Variants in GRID2 observed in about 807,000 individuals in gnomAD.
GRID2 encodes glutamate ionotropic receptor delta type subunit 2, also known as glutamate receptor ionotropic, delta-2.
A neutral mutation model predicts 114.8 loss-of-function variants in GRID2; 33 were observed. The observed-to-expected ratio is 0.29, with a 90% CI of 0.22 to 0.38. The LOEUF (loss-of-function observed/expected upper bound fraction) is 0.38. GRID2 is among the 10% of genes least tolerant of loss of function. GRID2 has a pLI of 1.00. For synonymous variants in GRID2, 505 were observed against 449.9 expected (o/e 1.12, Z -1.55); for missense variants, 1,184 against 1,257.7 (o/e 0.94, Z 0.89).
At chr4:93,724,348 G>A (rs919664710) in intron 14 of GRID2, among the ~76,000 whole-genome samples, 3 of 152,056 alleles carry the variant, frequency 2.0e-5, no homozygotes, top group Non-Finnish European at 4.4e-5. Context: ...ACAGAGCTAA[G>A]GTCATAATTT....
chr4:93,308,818 T>C, intron 8 of GRID2, among the ~76,000 whole-genome samples: 1 of 152,154 alleles, frequency 6.6e-6, no homozygotes, highest in Non-Finnish European at 1.5e-5. Flanking sequence ...CTTCATCACA[T>C]CATGTAATGA....
At chr4:93,041,001 G>A (rs990532836) in intron 2 of GRID2, among the ~76,000 whole-genome samples, 2 of 152,062 alleles carry the variant, frequency 1.3e-5, no homozygotes, top group East Asian at 3.8e-4. Flanking sequence ...TAAAATAAGG[G>A]TAAAGGAATG....
At chr4:93,485,078 A>G (rs544761490) in intron 11 of GRID2, among the ~76,000 whole-genome samples, 25 of 151,990 alleles carry the variant, frequency 1.6e-4, no homozygotes, top group Non-Finnish European at 2.9e-4. Flanking sequence ...GTCCTTGCCA[A>G]CACTTGCTAT....
At chr4:93,419,059 A>C (rs1238260881) in intron 9 of GRID2, among the ~76,000 whole-genome samples, 11 of 144,804 alleles carry the variant, frequency 7.6e-5, no homozygotes, top group Non-Finnish European at 3.0e-5. Context: ...GGTAATCCCC[A>C]AAATCATGAT....
chr4:93,480,935 G>C (rs1253682665), intron 11 of GRID2, among the ~76,000 whole-genome samples: 1 of 151,636 alleles, frequency 6.6e-6, no homozygotes, highest in Non-Finnish European at 1.5e-5. Flanking sequence ...GTTGTATATA[G>C]GTTATTTTCA....
chr4:92,932,817 A>G (rs1362220295), intron 2 of GRID2, among the ~76,000 whole-genome samples: 1 of 151,398 alleles, frequency 6.6e-6, no homozygotes, highest in Non-Finnish European at 1.5e-5. Flanking sequence ...TAAAAAGTAT[A>G]TATCATATAT....
chr4:93,099,415 C>G (rs1731513204), intron 3 of GRID2, among the ~76,000 whole-genome samples: 2 of 151,732 alleles, frequency 1.3e-5, no homozygotes, highest in African/African-American at 4.8e-5. Flanking sequence ...TTCAGGATAG[C>G]CTTTACTATT....
chr4:93,271,327 T>A (rs902151994), intron 8 of GRID2, among the ~76,000 whole-genome samples: 16 of 152,110 alleles, frequency 1.1e-4, no homozygotes, highest in African/African-American at 3.9e-4. Flanking sequence ...TGGGGGAATG[T>A]CATGGTCTCC....
intron 1 of GRID2, among the ~76,000 whole-genome samples, chr4:92,460,032 C>CTATATATATATATACATATATGTA (rs1553937272): frequency 2.1e-5 from 1 of 48,436 alleles, no homozygotes; most frequent in African/African-American, 1.0e-4. Context: ...ATAAATCTCA[C>CTATATATATATATACATATATGTA]TATATATATA....
chr4:92,681,554 G>A (rs1433769190), intron 2 of GRID2, among the ~76,000 whole-genome samples: 1 of 152,078 alleles, frequency 6.6e-6, no homozygotes, highest in Non-Finnish European at 1.5e-5. Context: ...GTGGGGAGAA[G>A]GGGGAGGGAT....
Position 93,656,972 on chromosome 4 carries a change from A to T in GRID2, c.2360+30537A>T, listed in dbSNP as rs147299762. On this transcript the variant is annotated intron_variant, in intron 14 of 15. Coordinates refer to ENST00000282020, the MANE Select transcript of GRID2 (RefSeq NM_001510.4). ...CAAGCTCACATGAGTTTGTTTTTTC[A>T]GGTAGTTTTAACAGTGTGATAAGAT... Among the ~76,000 whole-genome samples, 391 of 150,736 alleles carry T rather than the reference A, an allele frequency of 2.6e-3. 1 individual carries two copies. Among genetic ancestry groups the T allele is most frequent in the Non-Finnish European group, 4.8e-3 (325 of 67,802 alleles).
chr4:93,386,071 G>C, intron 8 of GRID2, among the ~76,000 whole-genome samples: 1 of 152,008 alleles, frequency 6.6e-6, no homozygotes, highest in Non-Finnish European at 1.5e-5. Flanking sequence ...TTTTCTCAAG[G>C]ACCCCAAAAC....
At chr4:93,101,437 C>G (rs895907321) in intron 3 of GRID2, among the ~76,000 whole-genome samples, 7 of 152,004 alleles carry the variant, frequency 4.6e-5, no homozygotes, top group Admixed American at 2.6e-4. Context: ...CCCTTCTTGG[C>G]CCCTGGTCAT....
intron 2 of GRID2, among the ~76,000 whole-genome samples, chr4:92,854,684 G>A (rs962823999): frequency 2.0e-5 from 3 of 151,668 alleles, no homozygotes; most frequent in Non-Finnish European, 4.4e-5. Context: ...TTACACAATA[G>A]TAAAGTTTTA....
chr4:92,938,021 A>C (rs548921293), intron 2 of GRID2, among the ~76,000 whole-genome samples: 1 of 146,782 alleles, frequency 6.8e-6, no homozygotes, highest in African/African-American at 2.4e-5. Context: ...AGCTTCTTTT[A>C]ATTTTCAGAC....
At chr4:93,614,033 G>A (rs569268657) in intron 13 of GRID2, among the ~76,000 whole-genome samples, 23 of 152,050 alleles carry the variant, frequency 1.5e-4, no homozygotes, top group East Asian at 3.9e-4. Flanking sequence ...TTTTTAAGCC[G>A]GTCTGAAAAG....
intron 2 of GRID2, among the ~76,000 whole-genome samples, chr4:92,964,021 G>T (rs777702296): frequency 6.6e-6 from 1 of 151,988 alleles, no homozygotes; most frequent in Non-Finnish European, 1.5e-5. Flanking sequence ...GCACCAGTTC[G>T]CAGCAGTGGC....
At chr4:93,503,049 A>C (rs1382393374) in intron 12 of GRID2, among the ~76,000 whole-genome samples, 1 of 152,154 alleles carries the variant, frequency 6.6e-6, no homozygotes, top group Non-Finnish European at 1.5e-5. Flanking sequence ...CAAGATATGC[A>C]TTTAATATCA....
intron 8 of GRID2, among the ~76,000 whole-genome samples, chr4:93,392,156 T>C (rs1455554803): frequency 6.6e-6 from 1 of 152,178 alleles, no homozygotes; most frequent in Non-Finnish European, 1.5e-5. Flanking sequence ...ATCTTTATTG[T>C]TTTTTATTTA....
Sources: gnomAD v4.1 joint callset for allele counts (sites outside exome capture counted in the v4.1 genomes callset) on GRCh38, gnomAD v4.1.1 for gene constraint, MANE v1.5 for transcripts, NCBI Gene and HGNC (gene_info 2026-07-23, HGNC 2026-07-21) for gene names.